Variants in TMEM132D observed in about 807,000 individuals in gnomAD.
The protein encoded by TMEM132D is transmembrane protein 132D, also known as mature OL transmembrane protein.
TMEM132D carries 21 observed loss-of-function variants against 62.3 expected under a neutral mutation model. That is an observed-to-expected ratio of 0.34 (90% confidence interval 0.24 to 0.49). TMEM132D has a LOEUF of 0.49. Among genes scored for constraint, TMEM132D ranks in the 20% least tolerant of loss-of-function variants. The pLI, the probability that TMEM132D is intolerant of heterozygous loss-of-function variation, is 0.99. For missense variants in TMEM132D, 1,346 were observed against 1,402.8 expected (o/e 0.96, Z 0.65); for synonymous variants, 621 against 575.6 (o/e 1.08, Z -1.13).
chr12:129,696,926 A>G (rs1881221320), intron 2 of TMEM132D, among the ~76,000 whole-genome samples: 1 of 152,216 alleles, frequency 6.6e-6, no homozygotes, highest in South Asian at 2.1e-4. Flanking sequence ...AGGGTAGAAC[A>G]GAGGTTGTAA....
chr12:129,878,061 TCTCA>T (rs1393140853), intron 1 of TMEM132D, among the ~76,000 whole-genome samples: 5 of 152,176 alleles, frequency 3.3e-5, no homozygotes, highest in Admixed American at 3.3e-4. Flanking sequence ...TAATACATGA[TCTCA>T]CTGTTTGCTT....
intron 1 of TMEM132D, among the ~76,000 whole-genome samples, chr12:129,801,581 A>G (rs1871786006): frequency 6.6e-6 from 1 of 150,586 alleles, no homozygotes; most frequent in South Asian, 2.1e-4. Context: ...AACCACAAAG[A>G]TGGGGAAAAA....
intron 5 of TMEM132D, among the ~76,000 whole-genome samples, chr12:129,087,138 A>T (rs1178444601): frequency 4.6e-5 from 7 of 151,994 alleles, no homozygotes; most frequent in Non-Finnish European, 8.8e-5. Flanking sequence ...TCTCCATGTC[A>T]CCCACTTCCC....
At chr12:129,283,311 C>A (rs891222644) in intron 4 of TMEM132D, among the ~76,000 whole-genome samples, 1 of 152,194 alleles carries the variant, frequency 6.6e-6, no homozygotes, top group Non-Finnish European at 1.5e-5. Context: ...CCTGCCTCAG[C>A]CTCCCCAGTA....
chr12:129,832,921 A>G (rs1224960287), intron 1 of TMEM132D, among the ~76,000 whole-genome samples: 8 of 152,198 alleles, frequency 5.3e-5, no homozygotes, highest in Non-Finnish European at 1.2e-4. Context: ...AAGAACTAGC[A>G]AACTCATTTA....
intron 2 of TMEM132D, among the ~76,000 whole-genome samples, chr12:129,591,275 T>G (rs1256419039): frequency 6.6e-6 from 1 of 152,130 alleles, no homozygotes; most frequent in Non-Finnish European, 1.5e-5. Context: ...AATGACAACA[T>G]CAATTATCTA....
At chr12:129,585,270 C>G (rs1467552565) in intron 2 of TMEM132D, among the ~76,000 whole-genome samples, 1 of 152,092 alleles carries the variant, frequency 6.6e-6, no homozygotes, top group Non-Finnish European at 1.5e-5. Context: ...ACTGTCATGC[C>G]CATGTTCTAC....
At chr12:129,631,344 G>A (rs1879340120) in intron 2 of TMEM132D, among the ~76,000 whole-genome samples, 1 of 152,150 alleles carries the variant, frequency 6.6e-6, no homozygotes. Flanking sequence ...ATGAAAAAGA[G>A]CAGAAAGCAG....
At chr12:129,212,260 T>G (rs1879076535) in intron 4 of TMEM132D, 1 of 152,068 alleles carries the variant, frequency 6.6e-6, no homozygotes. Flanking sequence ...ATGTCTGGGG[T>G]GTTGCCTTTT....
At chr12:129,769,151 AG>A (rs1870647609) in intron 1 of TMEM132D, among the ~76,000 whole-genome samples, 1 of 152,162 alleles carries the variant, frequency 6.6e-6, no homozygotes. Context: ...ATTAGCCTGA[AG>A]TTGGTGCCCC....
At chr12:129,748,464 T>C (rs1320843681) in intron 1 of TMEM132D, among the ~76,000 whole-genome samples, 2 of 152,110 alleles carry the variant, frequency 1.3e-5, no homozygotes, top group African/African-American at 4.8e-5. Context: ...TTTGAGCTTG[T>C]CTGGGCACAT....
intron 1 of TMEM132D, among the ~76,000 whole-genome samples, chr12:129,797,516 C>G (rs1871602801): frequency 6.6e-6 from 1 of 152,196 alleles, no homozygotes; most frequent in African/African-American, 2.4e-5. Context: ...CACAGCTGAT[C>G]AGACCCAGAG....
At chr12:129,295,226 G>T (rs979149089) in intron 4 of TMEM132D, among the ~76,000 whole-genome samples, 11 of 152,100 alleles carry the variant, frequency 7.2e-5, no homozygotes, top group African/African-American at 2.7e-4. Flanking sequence ...ACGGAACACT[G>T]CTGGCTAGAC....
intron 3 of TMEM132D, among the ~76,000 whole-genome samples, chr12:129,486,631 C>A (rs7488352): frequency 2.0e-5 from 3 of 152,114 alleles, no homozygotes; most frequent in East Asian, 1.9e-4. Context: ...ATCATACACC[C>A]TAAGTCATAC....
intron 2 of TMEM132D, among the ~76,000 whole-genome samples, chr12:129,639,891 C>G (rs914243847): frequency 1.3e-5 from 2 of 152,162 alleles, no homozygotes; most frequent in Non-Finnish European, 2.9e-5. Context: ...GTGAAACAGA[C>G]AGTGAAGATA....
At chr12:129,457,926 C>T (rs778715915) in intron 3 of TMEM132D, among the ~76,000 whole-genome samples, 3 of 152,164 alleles carry the variant, frequency 2.0e-5, no homozygotes, top group Non-Finnish European at 2.9e-5. Flanking sequence ...GGATCCAAAC[C>T]ATATCAGGCA....
intron 1 of TMEM132D, among the ~76,000 whole-genome samples, chr12:129,820,107 C>T (rs555863317): frequency 2.2e-4 from 34 of 152,300 alleles, no homozygotes; most frequent in Non-Finnish European, 2.4e-4. Flanking sequence ...CCTTACCTTC[C>T]GCATGGAAGT....
At chr12:129,588,792 C>T (rs533767568) in intron 2 of TMEM132D, among the ~76,000 whole-genome samples, 34 of 141,638 alleles carry the variant, frequency 2.4e-4, no homozygotes, top group Non-Finnish European at 4.2e-4. Flanking sequence ...CAGGGTTTCA[C>T]CGTGTTATAC....
At chr12:129,532,210 G>A (rs11060404) in intron 2 of TMEM132D, among the ~76,000 whole-genome samples, 30,322 of 152,144 alleles carry the variant, frequency 0.2, 3,375 homozygotes, top group Non-Finnish European at 0.25. Flanking sequence ...GTCTTGAAGC[G>A]AGAGTACCAA....
Sources: gnomAD v4.1 joint callset for allele counts (sites outside exome capture counted in the v4.1 genomes callset) on GRCh38, gnomAD v4.1.1 for gene constraint, MANE v1.5 for transcripts, NCBI Gene and HGNC (gene_info 2026-07-23, HGNC 2026-07-21) for gene names.